DYSF: variants seen among roughly 807,000 people sequenced by gnomAD.
The protein encoded by DYSF is dystrophy-associated fer-1-like 1.
In DYSF, 212 loss-of-function variants were observed where a neutral mutation model predicts 274.9. The ratio of observed to expected loss-of-function variants is 0.77; its 90% CI spans 0.69 to 0.86. DYSF has a LOEUF of 0.86. DYSF is among the 40% of genes least tolerant of loss of function. The pLI is 0.00. For synonymous variants in DYSF, 1,091 were observed against 1,078.7 expected, an observed-to-expected ratio of 1.01 and a Z score of -0.22; for missense variants, 2,666 against 2,783.2, an observed-to-expected ratio of 0.96 and a Z score of 0.95.
intron 1 of DYSF, among the ~76,000 whole-genome samples, chr2:71,468,807 T>C (rs778278149): frequency 6.6e-6 from 1 of 152,208 alleles, no homozygotes; most frequent in Non-Finnish European, 1.5e-5. Context: ...GACTGGCCTG[T>C]GCTCAGCTCC....
chr2:71,591,575 C>G (rs774682530), intron 32 of DYSF, among the ~76,000 whole-genome samples: 4 of 152,242 alleles, frequency 2.6e-5, no homozygotes, highest in Admixed American at 6.5e-5. Flanking sequence ...GGTGAAGAGA[C>G]AGATACTCGG....
At chr2:71,660,698 T>C (rs1289751751) in intron 45 of DYSF, 47 bp downstream of exon 45, 2 of 1,516,972 alleles carry the variant, frequency 1.3e-6, no homozygotes, top group South Asian at 1.1e-5. Context: ...CCAGACAGGA[T>C]AACCCACAGT....
At chr2:71,530,467 G>A (rs2088557551) in intron 14 of DYSF, among the ~76,000 whole-genome samples, 1 of 152,170 alleles carries the variant, frequency 6.6e-6, no homozygotes, top group Non-Finnish European at 1.5e-5. Flanking sequence ...GCCCTTGGCT[G>A]GCCCTGGGGA....
rs778564283 is a variant in DYSF at position 71,667,358 on chromosome 2, G to T, written c.5318-18G>T. ...CTTCCCCAGCTCCTGCAACTTTTTT[G>T]TCTTCTCTCTGGGGCAGAGGCTGGC... On this transcript the variant is annotated intron_variant, in intron 47 of 55. Coordinates refer to ENST00000410020, the MANE Select transcript of DYSF (RefSeq NM_001130987.2). The T allele has an allele frequency of 6.2e-7, 1 of 1,613,958 alleles. No homozygotes were observed. Among genetic ancestry groups the T allele is most frequent in the African/African-American group, 1.3e-5 (1 of 75,018 alleles).
chr2:71,543,178 C>T, intron 17 of DYSF, among the ~76,000 whole-genome samples: 1 of 149,446 alleles, frequency 6.7e-6, no homozygotes, highest in Admixed American at 6.7e-5. Context: ...CTCCTCACTT[C>T]TCAGATGGAG....
intron 31 of DYSF, 114 bp downstream of exon 31, chr2:71,589,800 CTG>C (rs1283042845): frequency 4.5e-6 from 5 of 1,104,480 alleles, no homozygotes; most frequent in South Asian, 2.5e-5. Context: ...AGCTGAGTCT[CTG>C]TGCTTTTTGG....
At chr2:71,653,910 T>C (rs1457002623) in intron 42 of DYSF, among the ~76,000 whole-genome samples, 2 of 151,600 alleles carry the variant, frequency 1.3e-5, no homozygotes, top group Non-Finnish European at 2.9e-5. Context: ...ACCATAAATA[T>C]AACATAAACA....
chr2:71,618,021 T>TAA (rs2093949640), intron 40 of DYSF, among the ~76,000 whole-genome samples: 2 of 108,620 alleles, frequency 1.8e-5, no homozygotes, highest in Admixed American at 2.0e-4. Flanking sequence ...AGATGGGGTG[T>TAA]GTGTGTGTGG....
At chr2:71,646,613 A>G (rs534594316) in intron 42 of DYSF, among the ~76,000 whole-genome samples, 10 of 152,306 alleles carry the variant, frequency 6.6e-5, no homozygotes, top group African/African-American at 2.2e-4. Flanking sequence ...AATCACTAGC[A>G]TAGGGGGACA....
At position 71,516,221 on chromosome 2, in the gene DYSF, T is replaced by C. The variant is rs2086636021; in HGVS notation, c.930T>C (p.Phe310=). 1.2e-6 allele frequency: 2 copies of C among 1,614,094 alleles called. No individual in the cohort carries two copies. Among genetic ancestry groups the C allele is most frequent in the African/African-American group, 1.3e-5 (1 of 74,944 alleles). The part of the protein sequence containing the change: ...FNLFDSPGEL[F]DEPIFITVVD... ...TGTTTGACTCTCCTGGGGAGCTGTT[T>C]GATGAGCCCATCTTTATCACGGTAT... is the stretch of plus-strand genomic sequence containing the variant. The change falls in exon 9 of 56, where the codon TTT becomes TTC. Residue 310 remains phenylalanine (F), a synonymous_variant. Coordinates refer to ENST00000410020, the MANE Select transcript of DYSF (RefSeq NM_001130987.2).
chr2:71,631,758 T>A (rs1412755732), intron 41 of DYSF, among the ~76,000 whole-genome samples: 1 of 152,060 alleles, frequency 6.6e-6, no homozygotes, highest in African/African-American at 2.4e-5. Context: ...CGATATTGGA[T>A]CCTCGTTGCC....
chr2:71,592,472 C>A (rs1558561771), intron 32 of DYSF, among the ~76,000 whole-genome samples: 1 of 152,246 alleles, frequency 6.6e-6, no homozygotes, highest in East Asian at 1.9e-4. Flanking sequence ...ACCTATAAAA[C>A]CCAGAGTGTT....
At chr2:71,598,864 T>G in intron 33 of DYSF, 119 bp downstream of exon 33, 1 of 1,153,648 alleles carries the variant, frequency 8.7e-7, no homozygotes, top group Non-Finnish European at 1.2e-6. Context: ...CCACGGGCCC[T>G]AGAACAATTA....
At chr2:71,610,810 G>A (rs1020946699) in intron 36 of DYSF, 3 of 299,526 alleles carry the variant, frequency 1.0e-5, no homozygotes, top group African/African-American at 4.3e-5. Context: ...TGAGCCAGGA[G>A]GCAGGAGAAC....
At chr2:71,645,585 A>T (rs1182439353) in intron 42 of DYSF, among the ~76,000 whole-genome samples, 1 of 151,426 alleles carries the variant, frequency 6.6e-6, no homozygotes, top group African/African-American at 2.4e-5. Flanking sequence ...GCAGGCCAGG[A>T]TGGTCTTGGG....
intron 40 of DYSF, among the ~76,000 whole-genome samples, chr2:71,618,186 A>G (rs1397581259): frequency 9.6e-5 from 1 of 10,386 alleles, no homozygotes; most frequent in Non-Finnish European, 2.0e-4. Context: ...GGTGGGGTAT[A>G]AGTGTGTGTG....
At chr2:71,551,233 G>A (rs757120929) in intron 18 of DYSF, 77 bp downstream of exon 18, 108 of 1,483,254 alleles carry the variant, frequency 7.3e-5, no homozygotes, top group Non-Finnish European at 9.8e-5. Flanking sequence ...TGCATGCAGG[G>A]TCTTCCAGCC....
chr2:71,503,832 C>T (rs540478694), intron 4 of DYSF, among the ~76,000 whole-genome samples: 3 of 152,230 alleles, frequency 2.0e-5, no homozygotes, highest in South Asian at 2.1e-4. Context: ...AGTGCTCCCC[C>T]CAAGTCCAAT....
chr2:71,583,183 T>C (rs1228111356), intron 30 of DYSF, among the ~76,000 whole-genome samples: 1 of 152,234 alleles, frequency 6.6e-6, no homozygotes. Flanking sequence ...ACAACTGGCT[T>C]GCAGAATTCC....
Sources: gnomAD v4.1 joint callset for allele counts (sites outside exome capture counted in the v4.1 genomes callset) on GRCh38, gnomAD v4.1.1 for gene constraint, MANE v1.5 for transcripts, NCBI Gene and HGNC (gene_info 2026-07-23, HGNC 2026-07-21) for gene names.